The following MC5R variants were observed in gnomAD, a reference collection of about 807,000 sequenced individuals.
MC5R encodes melanocortin 5 receptor.
For missense variants in MC5R, 420 were observed against 431.4 expected, an observed-to-expected ratio of 0.97 and a Z score of 0.23; for synonymous variants, 167 against 164.4, an observed-to-expected ratio of 1.02 and a Z score of -0.12.
chr18:13,825,796 G>T lies in MC5R; in HGVS notation c.31G>T (p.Asp11Tyr). Residue 11 changes from aspartate (D) to tyrosine (Y), a missense_variant, in exon 2 of 2, where the codon GAT (aspartate) becomes TAT (tyrosine). Asp to Tyr is a radical substitution (Grantham distance 160). Coordinates refer to ENST00000589410, the MANE Select transcript of MC5R (RefSeq NM_005913.3). The stretch of plus-strand genomic sequence containing the variant: ...TTCCTCATTTCACCTGCATTTCTTG[G>T]ATCTCAACCTGAATGCCACAGAGGG... MNSSFHLHFLDLNLNATEGNL... is the reference protein window; with the variant it reads MNSSFHLHFLYLNLNATEGNL... The T allele has an allele frequency of 1.3e-6, 2 of 1,586,304 alleles. No homozygotes were observed. Among genetic ancestry groups the T allele is most frequent in the Non-Finnish European group, 1.7e-6 (2 of 1,169,124 alleles).
rs139164477 is a variant in MC5R at position 13,824,955 on chromosome 18, C to T, written c.-40+681C>T. On this transcript the variant is annotated intron_variant, in intron 1 of 1. Transcript: ENST00000589410. ...CTCAATTTTAACACGTATGTGCAGC[C>T]TACACTTACAAACTTAAGACAGTAG... Among the ~76,000 whole-genome samples, 133 of 152,248 alleles carry T rather than the reference C, an allele frequency of 8.7e-4. 1 individual carries two copies. Among genetic ancestry groups the T allele is most frequent in the Middle Eastern group, 6.8e-3 (2 of 294 alleles).
At chr18:13,824,414 T>C (rs2044916281) in intron 1 of MC5R, 140 bp downstream of exon 1, 1 of 152,270 alleles carries the variant, frequency 6.6e-6, no homozygotes, top group Non-Finnish European at 1.5e-5. Context: ...ATGTTTAGTA[T>C]AATTGCATAA....
chr18:13,825,639 T>A, intron 1 of MC5R, 88 bp from the exon 2 acceptor site: 2 of 745,926 alleles, frequency 2.7e-6, no homozygotes, highest in Non-Finnish European at 4.5e-6. Context: ...TCCCCTTTCT[T>A]AGGCTGTGTT....
At chr18:13,824,859 A>G (rs1047376434) in intron 1 of MC5R, among the ~76,000 whole-genome samples, 2 of 152,040 alleles carry the variant, frequency 1.3e-5, no homozygotes, top group African/African-American at 2.4e-5. Context: ...TATCAAGCAG[A>G]CCTCATGGAA....
chr18:13,824,932 C>T (rs1023107724), intron 1 of MC5R, among the ~76,000 whole-genome samples: 1 of 152,072 alleles, frequency 6.6e-6, no homozygotes, highest in African/African-American at 2.4e-5. Context: ...CTGTTTTCCT[C>T]AATTTTAACA....
Position 13,826,589 on chromosome 18 carries a change from C to G in MC5R, c.824C>G (p.Ser275Cys), listed in dbSNP as rs539971441. Residue 275 changes from serine (S) to cysteine (C), a missense_variant, in exon 2 of 2, where the codon TCT becomes TGT. Transcript: ENST00000589410. ...PQNLYCSRFM[S>C]HFNMYLILIM... Reference sequence around the variant, plus strand: ...AACCTCTACTGCTCTCGCTTCATGTCTCACTTCAATATGTACCTCATACTC... The same window carrying G: ...AACCTCTACTGCTCTCGCTTCATGTGTCACTTCAATATGTACCTCATACTC... 5.2e-5 allele frequency: 84 copies of G among 1,614,182 alleles called. No individual in the cohort carries two copies. The South Asian group carries it at 5.6e-4, about 11-fold the overall frequency.
Position 13,826,402 on chromosome 18 carries a change from C to G in MC5R, c.637C>G (p.Arg213Gly), listed in dbSNP as rs953055132. The change falls in exon 2 of 2, where the codon CGG (arginine) becomes GGG (glycine). Residue 213 changes from arginine to glycine, a missense_variant. By Grantham distance (125) the Arg-to-Gly change is moderately radical. Coordinates refer to ENST00000589410, the MANE Select transcript of MC5R (RefSeq NM_005913.3). ...SLYIHMFLLA[R>G]THVKRIAALP... ...GTACATACACATGTTCCTCCTGGCGCGGACTCACGTCAAGCGGATCGCGGC... is the reference window on the plus strand; with the variant it reads ...GTACATACACATGTTCCTCCTGGCGGGGACTCACGTCAAGCGGATCGCGGC... The G allele has an allele frequency of 6.2e-7, 1 of 1,614,056 alleles. No individual in the cohort carries two copies.
At position 13,826,659 on chromosome 18, in the gene MC5R, C is replaced by G. The variant is rs1394654586; in HGVS notation, c.894C>G (p.Arg298=). The G allele has an allele frequency of 6.2e-7, 1 of 1,614,108 alleles. No homozygotes were observed. Among genetic ancestry groups the G allele is most frequent in the South Asian group, 1.1e-5 (1 of 91,086 alleles). ...SVMDPLIYAF[R]SQEMRKTFKE... Reference sequence around the variant, plus strand: ...TGGACCCTCTCATATATGCCTTCCGCAGCCAAGAGATGCGGAAGACCTTTA... The same window carrying G: ...TGGACCCTCTCATATATGCCTTCCGGAGCCAAGAGATGCGGAAGACCTTTA... Residue 298 remains arginine, a synonymous_variant, in exon 2 of 2, where the codon CGC becomes CGG. Coordinates refer to ENST00000589410, the MANE Select transcript of MC5R (RefSeq NM_005913.3).
rs1370823554 is a variant in MC5R, at chr18:13,826,956, T to G, written c.*213T>G. 1.8e-6 allele frequency: 1 copy of G among 554,620 alleles called. No individual in the cohort carries two copies. The highest frequency in any genetic ancestry group is 3.0e-5 in the East Asian group (1 of 32,842). 34.4% of individuals were successfully genotyped at this position (554,620 alleles called of 1,614,324 possible). A position where few individuals can be genotyped will look rare whatever the true frequency, so the allele number is the denominator to read the frequency against. ...CTCTGGGGACAGTCATGACAATTTC[T>G]TACTGTCCTTTTGTGTCCTATGGTT... On this transcript the variant is annotated 3_prime_UTR_variant, in exon 2 of 2. Transcript: ENST00000589410.
chr18:13,825,585 A>C, intron 1 of MC5R, 142 bp from the exon 2 acceptor site: 1 of 446,294 alleles, frequency 2.2e-6, no homozygotes. Context: ...AAAAAAAAGG[A>C]CTGAGTGAGC....
At position 13,826,451 on chromosome 18, in the gene MC5R, G is replaced by A. The variant is rs756178831; in HGVS notation, c.686G>A (p.Arg229Gln). 3 of 1,613,750 alleles carry A rather than the reference G, an allele frequency of 1.9e-6. No homozygotes were observed. Among genetic ancestry groups the A allele is most frequent in the Admixed American group, 1.7e-5 (1 of 60,016 alleles). ...IAALPGASSA[R>Q]QRTSMQGAVT... ...GCTCTGCCCGGGGCCAGCTCTGCGC[G>A]GCAGAGGACCAGCATGCAGGGCGCG... Residue 229 changes from arginine (R) to glutamine (Q), a missense_variant, in exon 2 of 2, where the codon CGG becomes CAG. Physicochemically the swap from Arg to Gln is conservative, Grantham distance 43. Transcript: ENST00000589410.
In MC5R at chr18:13,826,781, G is replaced by A. The variant is rs1316575000; in HGVS notation, c.*38G>A. The A allele has an allele frequency of 1.9e-6, 3 of 1,555,016 alleles. No individual in the cohort carries two copies. In the African/African-American group the frequency reaches 4.1e-5, roughly 21 times the overall value. On this transcript the variant is annotated 3_prime_UTR_variant, in exon 2 of 2. Transcript: ENST00000589410. ...CCTCTCTGTGGCTCTGTTCTCCTTT[G>A]TTTGCTCACCTATGACAAAGCGACA...
rs754315763 is a variant in MC5R at position 13,825,836 on chromosome 18, C to G, written c.71C>G (p.Pro24Arg). 3.1e-6 allele frequency: 5 copies of G among 1,612,688 alleles called. No individual in the cohort carries two copies. In the African/African-American group the frequency reaches 4.0e-5, roughly 13 times the overall value. ...LNATEGNLSG[P>R]NVKNKSSPCE... ...GCCACAGAGGGCAACCTTTCAGGAC[C>G]CAATGTCAAAAACAAGTCTTCACCA... The change falls in exon 2 of 2, where the codon CCC becomes CGC. Residue 24 changes from proline (P) to arginine (R), a missense_variant. Transcript: ENST00000589410.
intron 1 of MC5R, among the ~76,000 whole-genome samples, chr18:13,824,614 A>G (rs1292823262): frequency 6.6e-6 from 1 of 152,044 alleles, no homozygotes; most frequent in Non-Finnish European, 1.5e-5. Context: ...TATAGTGTAC[A>G]TTGTACCTAT....
In MC5R at chr18:13,825,858, A is replaced by G. The variant is rs748281808; in HGVS notation, c.93A>G (p.Ser31=). ...GACCCAATGTCAAAAACAAGTCTTCACCATGTGAAGACATGGGCATTGCTG... is the reference window on the plus strand; with the variant it reads ...GACCCAATGTCAAAAACAAGTCTTCGCCATGTGAAGACATGGGCATTGCTG... ...LSGPNVKNKS[S]PCEDMGIAVE... The change falls in exon 2 of 2, where the codon TCA becomes TCG. Residue 31 remains serine (S), a synonymous_variant. Coordinates refer to ENST00000589410, the MANE Select transcript of MC5R (RefSeq NM_005913.3). 2 of 1,614,020 alleles carry G rather than the reference A, an allele frequency of 1.2e-6. No individual in the cohort carries two copies. Among genetic ancestry groups the G allele is most frequent in the Admixed American group, 3.3e-5 (2 of 60,006 alleles).
At chr18:13,825,651 G>A (rs1434746473) in intron 1 of MC5R, 76 bp from the exon 2 acceptor site, 9 of 873,486 alleles carry the variant, frequency 1.0e-5, no homozygotes, top group Non-Finnish European at 1.6e-5. Context: ...GGCTGTGTTG[G>A]TTCTAGGCTA....
intron 1 of MC5R, 61 bp from the exon 2 acceptor site, chr18:13,825,666 C>T (rs1319392618): frequency 9.7e-7 from 1 of 1,027,536 alleles, no homozygotes; most frequent in African/African-American, 1.6e-5. Context: ...AGGCTAGCTG[C>T]TGTCTTTCTT....
Position 13,826,686 on chromosome 18 carries a change from G to A in MC5R, c.921G>A (p.Lys307=), listed in dbSNP as rs147063461. The A allele has an allele frequency of 2.8e-5, 45 of 1,613,768 alleles. 1 individual carries two copies. The African/African-American group carries it at 4.5e-4, about 16-fold the overall frequency. The change falls in exon 2 of 2, where the codon AAG becomes AAA. Residue 307 remains lysine (K), a synonymous_variant. Coordinates refer to ENST00000589410, the MANE Select transcript of MC5R (RefSeq NM_005913.3). The part of the protein sequence containing the change: ...FRSQEMRKTF[K]EIICCRGFRI... ...GCCAAGAGATGCGGAAGACCTTTAA[G>A]GAGATTATTTGCTGCCGTGGTTTCA...
Position 13,826,386 on chromosome 18 carries a change from C to T in MC5R, c.621C>T (p.His207=), listed in dbSNP as rs1273612242. The T allele has an allele frequency of 6.2e-7, 1 of 1,614,150 alleles. No homozygotes were observed. The highest frequency in any genetic ancestry group is 1.1e-5 in the South Asian group (1 of 91,076). ...TCCTCCTGGTGTCTCTGTACATACA[C>T]ATGTTCCTCCTGGCGCGGACTCACG... is the stretch of plus-strand genomic sequence containing the variant. ...MLFLLVSLYI[H]MFLLARTHVK... The change falls in exon 2 of 2, where the codon CAC becomes CAT. Residue 207 remains histidine (H), a synonymous_variant. Coordinates refer to ENST00000589410, the MANE Select transcript of MC5R (RefSeq NM_005913.3).
Sources: allele counts gnomAD v4.1 joint callset (sites outside exome capture counted in the v4.1 genomes callset), GRCh38; gene constraint gnomAD v4.1.1; transcripts MANE v1.5; gene names NCBI Gene and HGNC (gene_info 2026-07-23, HGNC 2026-07-21).